PCDHGB4: variants seen among roughly 807,000 people sequenced by gnomAD.
The protein encoded by PCDHGB4 is protocadherin gamma subfamily B, 4.
Under a neutral mutation model 60.5 loss-of-function variants are expected in PCDHGB4, and 38 were observed. The ratio of observed to expected loss-of-function variants is 0.63; its 90% confidence interval spans 0.48 to 0.82. PCDHGB4 has a LOEUF of 0.82. Among genes scored for constraint, PCDHGB4 ranks in the 40% least tolerant of loss-of-function variants. PCDHGB4 has a pLI of 0.00. For synonymous variants in PCDHGB4, 456 were observed against 509.7 expected (o/e 0.89, Z 1.42); for missense variants, 1,109 against 1,209.6 (o/e 0.92, Z 1.23).
chr5:141,388,056 G>A lies in PCDHGB4; in HGVS notation c.172G>A (p.Val58Ile), dbSNP rs1192724751. 2.2e-6 allele frequency: 3 copies of A among 1,386,286 alleles called. No individual in the cohort carries two copies. In the Admixed American group the frequency reaches 6.2e-5, roughly 29 times the overall value. 85.9% of individuals were successfully genotyped at this position (1,386,286 alleles called of 1,614,324 possible). A position where few individuals can be genotyped will look rare whatever the true frequency, so the allele number is the denominator to read the frequency against. The change falls in exon 1 of 4, where the codon GTC becomes ATC. Residue 58 changes from valine (V) to isoleucine (I), a missense_variant. Physicochemically the swap from Val to Ile is conservative, Grantham distance 29. Coordinates refer to ENST00000519479, the MANE Select transcript of PCDHGB4 (RefSeq NM_003736.4). ...CCTCGCCACGGACCTGGGGTTCAGC[G>A]TCCAGGAGTTACCGACTCGAAAACT... ...GNLATDLGFS[V>I]QELPTRKLRV...
intron 1 of PCDHGB4, chr5:141,409,204 C>A: frequency 6.2e-7 from 1 of 1,613,942 alleles, no homozygotes; most frequent in South Asian, 1.1e-5. Flanking sequence ...GTAAAGTAAT[C>A]ATAGAAATCC....
At chr5:141,428,466 A>G (rs1230267635) in intron 1 of PCDHGB4, 1 of 344,756 alleles carries the variant, frequency 2.9e-6, no homozygotes, top group Admixed American at 4.1e-5. Context: ...ACAATGAGGG[A>G]ACTTTGCTTT....
Position 141,447,434 on chromosome 5 carries a change from G to A in PCDHGB4, c.2398-47373G>A, listed in dbSNP as rs114249648. ...ATTACAGGCGTGAGCCACCGCACCC[G>A]GAGGAAATTTTTAACCTCAGTTTTT... On this transcript the variant is annotated intron_variant, in intron 1 of 3. Transcript: ENST00000519479. 2.8e-3 allele frequency among the ~76,000 whole-genome samples: 425 copies of A among 152,164 alleles called. 1 individual carries two copies. The highest frequency in any genetic ancestry group is 9.5e-3 in the African/African-American group (394 of 41,546).
intron 3 of PCDHGB4, among the ~76,000 whole-genome samples, chr5:141,508,742 C>A (rs955179947): frequency 2.0e-5 from 3 of 151,998 alleles, no homozygotes; most frequent in Admixed American, 6.6e-5. Context: ...CCCCCCACCC[C>A]GCTCTTTCTC....
In PCDHGB4 at chr5:141,476,352, T is replaced by C. The variant is rs2099389565; in HGVS notation, c.2398-18455T>C. The C allele has an allele frequency of 1.2e-6, 2 of 1,613,826 alleles. No individual in the cohort carries two copies. Among genetic ancestry groups the C allele is most frequent in the African/African-American group, 1.3e-5 (1 of 74,852 alleles). On this transcript the variant is annotated intron_variant, in intron 1 of 3. Transcript: ENST00000519479. The surrounding 1 kb of genome is among the most constrained non-coding windows in gnomAD (Gnocchi z 7.6). ...GGAGCTAGCCGAAGATTCTTTGAGG[T>C]GAACCGGGAGACCGGAGAGATGTTT...
intron 1 of PCDHGB4, among the ~76,000 whole-genome samples, chr5:141,463,314 A>G (rs1357327211): frequency 2.0e-5 from 3 of 151,098 alleles, no homozygotes; most frequent in Non-Finnish European, 2.9e-5. Context: ...TCTAATATCT[A>G]TTCCTCAACT....
chr5:141,450,280 T>C (rs1374970772), intron 1 of PCDHGB4, among the ~76,000 whole-genome samples: 2 of 152,166 alleles, frequency 1.3e-5, no homozygotes, highest in African/African-American at 4.8e-5. Context: ...AGCTAAGTGC[T>C]GGGATTACAG....
chr5:141,400,621 A>G (rs1361532935), intron 1 of PCDHGB4: 1 of 1,521,426 alleles, frequency 6.6e-7, no homozygotes, highest in Non-Finnish European at 9.0e-7. Flanking sequence ...GAGTTGTCTT[A>G]GGGAAGTCAG....
chr5:141,435,807 T>A (rs2097781241), intron 1 of PCDHGB4, among the ~76,000 whole-genome samples: 1 of 152,040 alleles, frequency 6.6e-6, no homozygotes, highest in South Asian at 2.1e-4. Context: ...CCCAATTATT[T>A]TTTCTTTCTT....
rs71576115 is a variant in PCDHGB4 at position 141,463,438 on chromosome 5, C to CTTTT, written c.2398-31344_2398-31341dup. Among the ~76,000 whole-genome samples, 106 of 103,254 alleles carry CTTTT rather than the reference C, an allele frequency of 1.0e-3. 8 individuals are homozygous for CTTTT. Among genetic ancestry groups the CTTTT allele is most frequent in the African/African-American group, 3.9e-3 (88 of 22,404 alleles). The allele number at this position is 103,254 out of a possible 152,430, so 67.7% of individuals were successfully genotyped here. ...GTTTGCGGATCCTCATTTCCTTCTC[C>CTTTT]TTTTTTTTTTTTTTTTTTTTTTTTT... is the stretch of plus-strand genomic sequence containing the variant. On this transcript the variant is annotated intron_variant, in intron 1 of 3. Transcript: ENST00000519479.
At chr5:141,455,244 T>A (rs977940552) in intron 1 of PCDHGB4, among the ~76,000 whole-genome samples, 4 of 152,142 alleles carry the variant, frequency 2.6e-5, no homozygotes, top group Non-Finnish European at 4.4e-5. Flanking sequence ...TTAAAGGTCA[T>A]AGTACAATCG....
rs143737031 is a variant in PCDHGB4 at position 141,454,359 on chromosome 5, G to C, written c.2398-40448G>C. Among the ~76,000 whole-genome samples, 105 of 152,200 alleles carry C rather than the reference G, an allele frequency of 6.9e-4. No individual in the cohort carries two copies. In the East Asian group the frequency reaches 0.014, roughly 20 times the overall value. ...AATGTTGGAAGTTGATCCAAACTTA[G>C]AAAGGAGTATGGCAACTTGTCAAGA... On this transcript the variant is annotated intron_variant, in intron 1 of 3. Coordinates refer to ENST00000519479, the MANE Select transcript of PCDHGB4 (RefSeq NM_003736.4).
intron 1 of PCDHGB4, among the ~76,000 whole-genome samples, chr5:141,465,984 T>C (rs11953841): frequency 0.18 from 27,399 of 151,848 alleles, 2,640 homozygotes; most frequent in Admixed American, 0.28. Context: ...TAGCCGGGCA[T>C]GGTGGCAGGC....
In PCDHGB4 at chr5:141,491,463, C is replaced by CT. The variant is rs765984397; in HGVS notation, c.2398-3343dup. The CT allele has an allele frequency of 6.2e-7, 1 of 1,614,112 alleles. No homozygotes were observed. Among genetic ancestry groups the CT allele is most frequent in the Non-Finnish European group, 8.5e-7 (1 of 1,180,010 alleles). ...GCCAGGACTCACCCTCCCCGGACTT[C>CT]TATAAGCAGTCCAGCCCCAACCTGC... On this transcript the variant is annotated intron_variant, in intron 1 of 3. Coordinates refer to ENST00000519479, the MANE Select transcript of PCDHGB4 (RefSeq NM_003736.4). This position sits in a 1 kb window ranked among gnomAD's most constrained non-coding sequence, Gnocchi z 6.9.
chr5:141,493,052 T>G lies in PCDHGB4; in HGVS notation c.2398-1755T>G, dbSNP rs1362566525. 6.6e-6 allele frequency among the ~76,000 whole-genome samples: 1 copy of G among 152,104 alleles called. No individual in the cohort carries two copies. The highest frequency in any genetic ancestry group is 2.4e-5 in the African/African-American group (1 of 41,416). Reference sequence around the variant, plus strand: ...CTTATGTGTGAGGAAACTACAATAGTAAAAAACACAAGTTTCTCCAACTCC... The same window carrying G: ...CTTATGTGTGAGGAAACTACAATAGGAAAAAACACAAGTTTCTCCAACTCC... On this transcript the variant is annotated intron_variant, in intron 1 of 3. Coordinates refer to ENST00000519479, the MANE Select transcript of PCDHGB4 (RefSeq NM_003736.4). This position sits in a 1 kb window ranked among gnomAD's most constrained non-coding sequence, Gnocchi z 4.3.
chr5:141,496,993 C>G (rs981547671), intron 2 of PCDHGB4, among the ~76,000 whole-genome samples: 1 of 151,910 alleles, frequency 6.6e-6, no homozygotes, highest in South Asian at 2.1e-4. Flanking sequence ...TGAGACCAGC[C>G]TGGCAGCCAA....
rs1476740920 is a variant in PCDHGB4, at chr5:141,443,326, A to AC, written c.2398-51481_2398-51480insC. Among the ~76,000 whole-genome samples the AC allele has an allele frequency of 3.3e-5, 5 of 151,792 alleles. No homozygotes were observed. The South Asian group carries it at 8.3e-4, about 25-fold the overall frequency. ...CAAAAACCCATCTCTACAAAAAAAA[A>AC]AAACAAAAATTAACAAGGTTTAGTG... On this transcript the variant is annotated intron_variant, in intron 1 of 3. Transcript: ENST00000519479.
chr5:141,397,862 G>A (rs956658469), intron 1 of PCDHGB4: 5 of 566,952 alleles, frequency 8.8e-6, no homozygotes, highest in African/African-American at 7.5e-5. Flanking sequence ...TAGTTTCCTA[G>A]TGCTGACTCT....
At chr5:141,492,834 G>A (rs544218873) in intron 1 of PCDHGB4, among the ~76,000 whole-genome samples, 7 of 152,214 alleles carry the variant, frequency 4.6e-5, no homozygotes, top group African/African-American at 1.7e-4. Context: ...CCTTCCTCCC[G>A]CAGGAAGTGA....
Sources: allele counts gnomAD v4.1 joint callset (sites outside exome capture counted in the v4.1 genomes callset), GRCh38; gene constraint gnomAD v4.1.1; non-coding constraint Gnocchi (gnomAD v3.1); transcripts MANE v1.5; gene names NCBI Gene and HGNC (gene_info 2026-07-23, HGNC 2026-07-21).